Variants in NRG1 observed in about 807,000 individuals in gnomAD.
NRG1 encodes pro-neuregulin-1, membrane-bound isoform.
A neutral mutation model predicts 63.8 loss-of-function variants in NRG1; 18 were observed. The observed-to-expected ratio is 0.28, with a 90% CI of 0.19 to 0.42. NRG1 has a LOEUF of 0.42. Ranked by LOEUF, NRG1 falls within the 10% of genes least tolerant of loss-of-function variation. The pLI, the probability that NRG1 is intolerant of heterozygous loss-of-function variation, is 1.00. For synonymous variants in NRG1, 302 were observed against 301.3 expected (o/e 1.00, Z -0.02); for missense variants, 762 against 814.7 (o/e 0.94, Z 0.79).
At chr8:31,796,156 G>C (rs1821183187) in intron 1 of NRG1, among the ~76,000 whole-genome samples, 1 of 152,050 alleles carries the variant, frequency 6.6e-6, no homozygotes, top group Admixed American at 6.5e-5. Flanking sequence ...TGACATGTTG[G>C]GACATTCTCA....
At chr8:32,233,087 G>A (rs935741868) in intron 1 of NRG1, among the ~76,000 whole-genome samples, 6 of 151,986 alleles carry the variant, frequency 3.9e-5, no homozygotes, top group African/African-American at 1.2e-4. Flanking sequence ...TTCCTTTGAA[G>A]TGTATATTAT....
At chr8:31,754,457 G>T (rs2131475386) in intron 1 of NRG1, among the ~76,000 whole-genome samples, 1 of 152,170 alleles carries the variant, frequency 6.6e-6, no homozygotes, top group South Asian at 2.1e-4. Flanking sequence ...CACCATGATT[G>T]TAAGTTTCCT....
At chr8:32,259,766 A>G (rs1850153268) in intron 1 of NRG1, among the ~76,000 whole-genome samples, 1 of 152,148 alleles carries the variant, frequency 6.6e-6, no homozygotes, top group Non-Finnish European at 1.5e-5. Flanking sequence ...TGTCAAATAT[A>G]AAAACCTGTG....
chr8:31,802,902 G>A (rs993470067), intron 1 of NRG1, among the ~76,000 whole-genome samples: 20 of 152,134 alleles, frequency 1.3e-4, no homozygotes, highest in Non-Finnish European at 2.4e-4. Context: ...TTAAATAGAA[G>A]GAAATAAACA....
intron 5 of NRG1, among the ~76,000 whole-genome samples, chr8:32,666,505 G>A (rs1329400237): frequency 6.6e-6 from 1 of 152,142 alleles, no homozygotes; most frequent in Admixed American, 6.5e-5. Flanking sequence ...AAAAAAAAGA[G>A]CGTGGTTCCC....
intron 1 of NRG1, among the ~76,000 whole-genome samples, chr8:32,361,475 T>C (rs778966239): frequency 1.3e-5 from 2 of 152,164 alleles, no homozygotes; most frequent in African/African-American, 4.8e-5. Context: ...CTTCATCCCA[T>C]GTAGCCATGG....
intron 1 of NRG1, among the ~76,000 whole-genome samples, chr8:31,888,949 G>T (rs1270898676): frequency 2.0e-5 from 3 of 152,100 alleles, no homozygotes; most frequent in Admixed American, 6.6e-5. Context: ...ATAAATATTG[G>T]TTTTTCAGGG....
intron 11 of NRG1, among the ~76,000 whole-genome samples, chr8:32,762,038 C>A (rs1195791489): frequency 6.9e-3 from 559 of 81,382 alleles, no homozygotes; most frequent in East Asian, 0.02. Context: ...GACTCCGCCT[C>A]AAAAAAAAAA....
chr8:31,822,581 CA>C (rs1824110460), intron 1 of NRG1, among the ~76,000 whole-genome samples: 1 of 152,140 alleles, frequency 6.6e-6, no homozygotes, highest in South Asian at 2.1e-4. Flanking sequence ...TTCTAAAAGG[CA>C]AAGTGTTTTT....
At chr8:31,752,052 A>G (rs560949968) in intron 1 of NRG1, among the ~76,000 whole-genome samples, 2 of 152,146 alleles carry the variant, frequency 1.3e-5, no homozygotes, top group African/African-American at 4.8e-5. Flanking sequence ...AGAAATCTAG[A>G]TTCACAAACT....
At chr8:31,660,938 A>T (rs1019800865) in intron 1 of NRG1, among the ~76,000 whole-genome samples, 1 of 152,252 alleles carries the variant, frequency 6.6e-6, no homozygotes, top group South Asian at 2.1e-4. Context: ...TTTAATAGTG[A>T]CCACCCATTA....
chr8:32,426,534 A>C (rs1817395369), intron 1 of NRG1, among the ~76,000 whole-genome samples: 1 of 152,164 alleles, frequency 6.6e-6, no homozygotes, highest in Non-Finnish European at 1.5e-5. Flanking sequence ...AGGTTGATTT[A>C]TTTGTTAAGT....
intron 7 of NRG1, among the ~76,000 whole-genome samples, chr8:32,751,718 A>G (rs536407131): frequency 1.3e-5 from 2 of 152,274 alleles, no homozygotes; most frequent in East Asian, 3.9e-4. Flanking sequence ...GTGCTGTTAC[A>G]TTACCCTTTG....
chr8:32,432,156 T>C (rs1010420440), intron 1 of NRG1, among the ~76,000 whole-genome samples: 1 of 152,180 alleles, frequency 6.6e-6, no homozygotes, highest in Non-Finnish European at 1.5e-5. Flanking sequence ...AAATAATTAA[T>C]ACACCTGGTA....
intron 1 of NRG1, among the ~76,000 whole-genome samples, chr8:32,139,939 C>T (rs1836027223): frequency 6.6e-6 from 1 of 152,134 alleles, no homozygotes; most frequent in African/African-American, 2.4e-5. Flanking sequence ...AGGTATTTAT[C>T]TGTAGCTGGA....
chr8:31,816,867 T>A (rs1823497511), intron 1 of NRG1, among the ~76,000 whole-genome samples: 1 of 152,196 alleles, frequency 6.6e-6, no homozygotes, highest in South Asian at 2.1e-4. Flanking sequence ...TCTATAAAAA[T>A]TCATATTTTA....
chr8:32,525,425 T>TGTA (rs1554572102), intron 1 of NRG1, among the ~76,000 whole-genome samples: 9 of 151,544 alleles, frequency 5.9e-5, no homozygotes, highest in African/African-American at 1.5e-4. Context: ...TGTGTGTGTG[T>TGTA]GTGTAGTGTC....
At chr8:32,199,838 G>T (rs1843323853) in intron 1 of NRG1, among the ~76,000 whole-genome samples, 1 of 152,032 alleles carries the variant, frequency 6.6e-6, no homozygotes, top group Non-Finnish European at 1.5e-5. Context: ...GGAGTGCAAT[G>T]ACACGATCTT....
intron 1 of NRG1, among the ~76,000 whole-genome samples, chr8:32,585,973 C>A (rs1841542221): frequency 6.6e-6 from 1 of 152,068 alleles, no homozygotes; most frequent in Admixed American, 6.6e-5. Context: ...AGACAGGTTA[C>A]TTTACCTCTC....
Sources: gnomAD v4.1 joint callset for allele counts (sites outside exome capture counted in the v4.1 genomes callset) on GRCh38, gnomAD v4.1.1 for gene constraint, MANE v1.5 for transcripts, NCBI Gene and HGNC (gene_info 2026-07-23, HGNC 2026-07-21) for gene names.